The following VAV2 variants were observed in gnomAD, a reference collection of about 807,000 sequenced individuals.
VAV2 encodes vav guanine nucleotide exchange factor 2, also known as guanine nucleotide exchange factor VAV2.
A neutral mutation model predicts 132.5 loss-of-function variants in VAV2; 67 were observed. The observed-to-expected ratio is 0.51, with a 90% confidence interval of 0.42 to 0.62. The LOEUF (loss-of-function observed/expected upper bound fraction) is 0.62. Among genes scored for constraint, VAV2 ranks in the 20% least tolerant of loss-of-function variants. The pLI is 0.00. For missense variants in VAV2, 938 were observed against 1,153.6 expected (o/e 0.81, Z 2.71); for synonymous variants, 492 against 443.5 (o/e 1.11, Z -1.37).
In VAV2 at chr9:133,812,981, G is replaced by A. The variant is rs149106138; in HGVS notation, c.450-765C>T. 3.7e-3 allele frequency among the ~76,000 whole-genome samples: 568 copies of A among 152,284 alleles called. 3 individuals are homozygous for A. The highest frequency in any genetic ancestry group is 0.012 in the African/African-American group (504 of 41,566). ...TTCCAGTGACTCTGTGAGTGGCAGC[G>A]GATGAGCCTGGCCCCTCCCCACACT... On this transcript the variant is annotated intron_variant, in intron 4 of 29. Transcript: ENST00000371850.
rs975159125 is a variant in VAV2 at position 133,918,251 on chromosome 9, C to T, written c.321+20852G>A. On this transcript the variant is annotated intron_variant, in intron 2 of 29. Coordinates refer to ENST00000371850, the MANE Select transcript of VAV2 (RefSeq NM_001134398.2). This position sits in a 1 kb window ranked among gnomAD's most constrained non-coding sequence, Gnocchi z 4.7. ...TCGGTGCCTCCAGCTCGGCTAGAAA[C>T]TATTTTTAAACAAAGGAGCGCACTC... 1.3e-5 allele frequency among the ~76,000 whole-genome samples: 2 copies of T among 152,212 alleles called. No homozygotes were observed. Among genetic ancestry groups the T allele is most frequent in the African/African-American group, 4.8e-5 (2 of 41,452 alleles).
At chr9:133,886,446 C>T (rs1428916056) in intron 2 of VAV2, among the ~76,000 whole-genome samples, 1 of 152,194 alleles carries the variant, frequency 6.6e-6, no homozygotes, top group Admixed American at 6.5e-5. Context: ...GTCCATCTGA[C>T]GCCACAGTCT....
At chr9:133,911,454 C>A (rs1045755915) in intron 2 of VAV2, among the ~76,000 whole-genome samples, 3 of 152,222 alleles carry the variant, frequency 2.0e-5, no homozygotes, top group African/African-American at 7.2e-5. Flanking sequence ...GAGGTATGAT[C>A]CACAGACGAT....
At chr9:133,877,448 C>T (rs555374505) in intron 2 of VAV2, among the ~76,000 whole-genome samples, 26 of 152,324 alleles carry the variant, frequency 1.7e-4, no homozygotes, top group African/African-American at 6.0e-4. Context: ...CTGGGTGACA[C>T]GTTCGGCTCT....
intron 16 of VAV2, 95 bp from the exon 17 acceptor site, chr9:133,785,980 G>A (rs1158970510): frequency 1.7e-5 from 18 of 1,076,054 alleles, no homozygotes; most frequent in Middle Eastern, 2.4e-4. Context: ...GCATGTGCAC[G>A]TGTGTATATG....
intron 2 of VAV2, among the ~76,000 whole-genome samples, chr9:133,866,937 C>T (rs1292252899): frequency 6.6e-6 from 1 of 151,902 alleles, no homozygotes; most frequent in Non-Finnish European, 1.5e-5. Context: ...CTCCGGGCCG[C>T]ACAAGTTCAG....
In VAV2 at chr9:133,884,004, G is replaced by A. The variant is rs1486424265; in HGVS notation, c.322-22572C>T. ...AAAAAAATTAGCTGGGCACGGTGGC[G>A]CACACCTGTAGTCCCAGCTACTTGG... On this transcript the variant is annotated intron_variant, in intron 2 of 29. Coordinates refer to ENST00000371850, the MANE Select transcript of VAV2 (RefSeq NM_001134398.2). This position sits in a 1 kb window ranked among gnomAD's most constrained non-coding sequence, Gnocchi z 5.3. Among the ~76,000 whole-genome samples, 1 of 151,920 alleles carries A rather than the reference G, an allele frequency of 6.6e-6. No individual in the cohort carries two copies. The highest frequency in any genetic ancestry group is 1.5e-5 in the Non-Finnish European group (1 of 67,970).
intron 2 of VAV2, among the ~76,000 whole-genome samples, chr9:133,927,027 G>A (rs1482977550): frequency 1.3e-5 from 2 of 152,150 alleles, no homozygotes; most frequent in African/African-American, 2.4e-5. Flanking sequence ...CACTTCTGCA[G>A]GTGCCCACCC....
chr9:133,992,243 G>C lies in VAV2; in HGVS notation c.36C>G (p.Ile12Met), dbSNP rs1212967741. 3 of 1,583,574 alleles carry C rather than the reference G, an allele frequency of 1.9e-6. No individual in the cohort carries two copies. The South Asian group carries it at 3.4e-5, about 18-fold the overall frequency. ...GGTTGGGCGGCAGGACCTTGCAATC[G>C]ATGAGCCAGCGGCCGCACTGCCGCC... is the stretch of plus-strand genomic sequence containing the variant. ...EQWRQCGRWLIDCKVLPPNHR... is the reference protein window; with the variant it reads ...EQWRQCGRWLMDCKVLPPNHR... Residue 12 changes from isoleucine to methionine, a missense_variant, in exon 1 of 30, where the codon ATC (isoleucine) becomes ATG (methionine). Physicochemically the swap from Ile to Met is conservative, Grantham distance 10. Transcript: ENST00000371850. This position sits in a 1 kb window ranked among gnomAD's most constrained non-coding sequence, Gnocchi z 5.5.
chr9:133,988,225 A>C (rs1588233625), intron 1 of VAV2, among the ~76,000 whole-genome samples: 1 of 148,960 alleles, frequency 6.7e-6, no homozygotes, highest in African/African-American at 2.5e-5. Context: ...GATCACAGGC[A>C]CCCACCCCCC....
chr9:133,989,391 G>C (rs1395758911), intron 1 of VAV2, among the ~76,000 whole-genome samples: 1 of 150,688 alleles, frequency 6.6e-6, no homozygotes, highest in Non-Finnish European at 1.5e-5. Context: ...ATGGTGGCAG[G>C]CGCCTGTAAT....
Position 133,883,554 on chromosome 9 carries a change from A to G in VAV2, c.322-22122T>C, listed in dbSNP as rs1400526278. Among the ~76,000 whole-genome samples, 1 of 151,996 alleles carries G rather than the reference A, an allele frequency of 6.6e-6. No individual in the cohort carries two copies. The highest frequency in any genetic ancestry group is 1.5e-5 in the Non-Finnish European group (1 of 67,964). On this transcript the variant is annotated intron_variant, in intron 2 of 29. Coordinates refer to ENST00000371850, the MANE Select transcript of VAV2 (RefSeq NM_001134398.2). The surrounding 1 kb of genome is among the most constrained non-coding windows in gnomAD (Gnocchi z 4.2). ...AGTCATCCCCAGCCACGGCAGGCAG[A>G]CAGCCCAGCAGAGACTCCCAAGTCA...
At chr9:133,952,118 G>C (rs1281121540) in intron 1 of VAV2, among the ~76,000 whole-genome samples, 1 of 152,070 alleles carries the variant, frequency 6.6e-6, no homozygotes, top group African/African-American at 2.4e-5. Flanking sequence ...AAAGGCCCCA[G>C]CTCCTAATAA....
intron 1 of VAV2, among the ~76,000 whole-genome samples, chr9:133,970,805 C>A (rs1842306777): frequency 6.6e-6 from 1 of 152,188 alleles, no homozygotes; most frequent in Admixed American, 6.5e-5. Context: ...AACTAGCAGG[C>A]CACTCCTCAA....
At chr9:133,832,204 C>A (rs868364653) in intron 4 of VAV2, among the ~76,000 whole-genome samples, 1 of 152,222 alleles carries the variant, frequency 6.6e-6, no homozygotes, top group Admixed American at 6.5e-5. Context: ...CCTTGGGCAG[C>A]CCAGAGACCC....
intron 2 of VAV2, among the ~76,000 whole-genome samples, chr9:133,922,419 C>T (rs1476949704): frequency 1.3e-5 from 2 of 152,334 alleles, no homozygotes; most frequent in Admixed American, 6.5e-5. Context: ...CTGGGCTTGG[C>T]GGGGCAGCCC....
intron 1 of VAV2, among the ~76,000 whole-genome samples, chr9:133,955,779 A>ACC (rs1490446682): frequency 3.2e-4 from 1 of 3,110 alleles, no homozygotes; most frequent in African/African-American, 1.9e-3. Flanking sequence ...GTTCCTCCCC[A>ACC]CCCCCCCACT....
intron 2 of VAV2, among the ~76,000 whole-genome samples, chr9:133,869,046 G>C (rs1270051223): frequency 2.0e-5 from 3 of 151,378 alleles, no homozygotes; most frequent in African/African-American, 7.3e-5. Context: ...ACCCAGGCTG[G>C]AGTGCAGTGG....
chr9:133,896,648 G>A (rs982355043), intron 2 of VAV2, among the ~76,000 whole-genome samples: 3 of 152,078 alleles, frequency 2.0e-5, no homozygotes, highest in African/African-American at 2.4e-5. Flanking sequence ...GGATCCGAGC[G>A]CCACTTCATT....
Sources: allele counts gnomAD v4.1 joint callset (sites outside exome capture counted in the v4.1 genomes callset), GRCh38; gene constraint gnomAD v4.1.1; non-coding constraint Gnocchi (gnomAD v3.1); transcripts MANE v1.5; gene names NCBI Gene and HGNC (gene_info 2026-07-23, HGNC 2026-07-21).